TEAD1: variants seen among roughly 807,000 people sequenced by gnomAD.
TEAD1 encodes the protein TEA domain transcription factor 1.
A neutral mutation model predicts 54.9 loss-of-function variants in TEAD1; 9 were observed. The ratio of observed to expected loss-of-function variants is 0.16; its 90% CI spans 0.10 to 0.29. The LOEUF is 0.29. Ranked by LOEUF, TEAD1 falls within the 10% of genes least tolerant of loss-of-function variation. TEAD1 has a pLI of 1.00. For synonymous variants in TEAD1, 200 were observed against 187.8 expected (o/e 1.07, Z -0.53); for missense variants, 387 against 535.9 (o/e 0.72, Z 2.74).
intron 3 of TEAD1, among the ~76,000 whole-genome samples, chr11:12,789,365 A>G (rs1405374745): frequency 6.6e-6 from 1 of 152,182 alleles, no homozygotes; most frequent in African/African-American, 2.4e-5. Flanking sequence ...ATTTATTTTT[A>G]TTATTTTTGC....
chr11:12,711,798 AC>A (rs1943944618), intron 2 of TEAD1, among the ~76,000 whole-genome samples: 1 of 152,222 alleles, frequency 6.6e-6, no homozygotes, highest in Non-Finnish European at 1.5e-5. Context: ...TAACAAGTTA[AC>A]AGCTGTAGCA....
intron 2 of TEAD1, among the ~76,000 whole-genome samples, chr11:12,703,255 AG>A (rs1258850780): frequency 2.6e-5 from 4 of 152,144 alleles, no homozygotes; most frequent in Admixed American, 6.5e-5. Context: ...CTCCCAAAAA[AG>A]CTTCCCTTAG....
chr11:12,838,843 C>T (rs768985643), intron 3 of TEAD1, among the ~76,000 whole-genome samples: 9 of 152,266 alleles, frequency 5.9e-5, no homozygotes, highest in African/African-American at 1.7e-4. Flanking sequence ...AAAATATTTT[C>T]GTTGTTTGCT....
At chr11:12,916,157 T>C (rs572430752) in intron 10 of TEAD1, among the ~76,000 whole-genome samples, 1 of 152,232 alleles carries the variant, frequency 6.6e-6, no homozygotes, top group Non-Finnish European at 1.5e-5. Flanking sequence ...TGGCCTTTTT[T>C]TTAGTCCCAG....
intron 2 of TEAD1, among the ~76,000 whole-genome samples, chr11:12,739,587 AT>A (rs747654816): frequency 5.9e-5 from 9 of 152,160 alleles, no homozygotes; most frequent in Non-Finnish European, 1.0e-4. Context: ...CACAAGATGT[AT>A]TCTTGTCATG....
intron 3 of TEAD1, among the ~76,000 whole-genome samples, chr11:12,775,326 C>T (rs1183411105): frequency 6.6e-6 from 1 of 152,108 alleles, no homozygotes; most frequent in Non-Finnish European, 1.5e-5. Flanking sequence ...CTCACAGTGG[C>T]CCTCCGCAGC....
At position 12,810,692 on chromosome 11, in the gene TEAD1, A is replaced by G. The variant is rs74535835; in HGVS notation, c.202+46258A>G. 4.5e-4 allele frequency among the ~76,000 whole-genome samples: 69 copies of G among 152,300 alleles called. No individual in the cohort carries two copies. The East Asian group carries it at 0.011, about 25-fold the overall frequency. On this transcript the variant is annotated intron_variant, in intron 3 of 12. Coordinates refer to ENST00000527636, the MANE Select transcript of TEAD1 (RefSeq NM_021961.6). ...CAGCAGTGGGATGCTGCCCAGCAGT[A>G]GGTCTTTCATGCTGACGAGCACAGT...
intron 12 of TEAD1, among the ~76,000 whole-genome samples, chr11:12,933,916 G>A (rs1028405942): frequency 6.6e-6 from 1 of 152,146 alleles, no homozygotes; most frequent in African/African-American, 2.4e-5. Context: ...GGAGAAATAG[G>A]AACACTTTTA....
intron 3 of TEAD1, among the ~76,000 whole-genome samples, chr11:12,851,897 C>T (rs1288904238): frequency 6.6e-6 from 1 of 152,104 alleles, no homozygotes; most frequent in Non-Finnish European, 1.5e-5. Context: ...GGAGCAGTCA[C>T]TATTCTAGGA....
chr11:12,866,240 C>G (rs1947613147), intron 5 of TEAD1, among the ~76,000 whole-genome samples: 1 of 152,232 alleles, frequency 6.6e-6, no homozygotes, highest in Admixed American at 6.5e-5. Context: ...AGTTCTGACT[C>G]TGTTTCTAGT....
intron 2 of TEAD1, among the ~76,000 whole-genome samples, chr11:12,700,517 T>C (rs1427266871): frequency 1.3e-5 from 2 of 152,376 alleles, no homozygotes; most frequent in East Asian, 3.9e-4. Context: ...AATGATGTTA[T>C]ACCTGTGGGG....
intron 2 of TEAD1, among the ~76,000 whole-genome samples, chr11:12,692,518 T>G (rs1943480399): frequency 6.6e-6 from 1 of 152,160 alleles, no homozygotes; most frequent in Admixed American, 6.5e-5. Flanking sequence ...GGCTTTTTTT[T>G]CTTTTTAAAG....
At chr11:12,851,064 A>G in intron 3 of TEAD1, 6 of 976,310 alleles carry the variant, frequency 6.1e-6, no homozygotes, top group Non-Finnish European at 7.3e-6. Flanking sequence ...TTTTCTTCGG[A>G]TTTTCTTTAT....
chr11:12,770,669 A>G (rs1945295494), intron 3 of TEAD1, among the ~76,000 whole-genome samples: 1 of 152,202 alleles, frequency 6.6e-6, no homozygotes, highest in South Asian at 2.1e-4. Context: ...TATTTGCTTG[A>G]GGTCACATAG....
chr11:12,727,418 T>C (rs990310807), intron 2 of TEAD1, among the ~76,000 whole-genome samples: 8 of 152,166 alleles, frequency 5.3e-5, no homozygotes, highest in Non-Finnish European at 1.2e-4. Flanking sequence ...TAGTCTGTGG[T>C]AGGCGCTTCG....
intron 9 of TEAD1, among the ~76,000 whole-genome samples, chr11:12,889,262 G>T (rs1262713110): frequency 6.6e-6 from 1 of 152,236 alleles, no homozygotes; most frequent in East Asian, 1.9e-4. Flanking sequence ...AGTTTCTGGA[G>T]GCCAAGTTAG....
intron 3 of TEAD1, among the ~76,000 whole-genome samples, chr11:12,844,807 G>A (rs577844956): frequency 7.9e-5 from 12 of 152,138 alleles, no homozygotes; most frequent in African/African-American, 2.9e-4. Flanking sequence ...GCACTTTTGG[G>A]ATTATTGTGA....
At chr11:12,741,228 T>C (rs1337315228) in intron 2 of TEAD1, among the ~76,000 whole-genome samples, 1 of 152,198 alleles carries the variant, frequency 6.6e-6, no homozygotes, top group Non-Finnish European at 1.5e-5. Flanking sequence ...CCAGATTTCC[T>C]TTGCATTCAT....
At chr11:12,916,331 C>T (rs979923231) in intron 10 of TEAD1, among the ~76,000 whole-genome samples, 14 of 152,118 alleles carry the variant, frequency 9.2e-5, no homozygotes, top group South Asian at 8.3e-4. Flanking sequence ...ACCCGACAAA[C>T]GTGGGTTGGG....
Sources: allele counts gnomAD v4.1 joint callset (sites outside exome capture counted in the v4.1 genomes callset), GRCh38; gene constraint gnomAD v4.1.1; transcripts MANE v1.5; gene names NCBI Gene and HGNC (gene_info 2026-07-23, HGNC 2026-07-21).